The following PLD5 variants were observed in gnomAD, a reference collection of about 807,000 sequenced individuals.
PLD5 encodes the protein inactive phospholipase D5.
A neutral mutation model predicts 61.1 loss-of-function variants in PLD5; 36 were observed. The observed-to-expected ratio is 0.59, with a 90% confidence interval of 0.45 to 0.78. PLD5 has a LOEUF of 0.78. PLD5 is among the 30% of genes least tolerant of loss of function. The pLI is 0.00. For missense variants in PLD5, 515 were observed against 644.4 expected (o/e 0.80, Z 2.17); for synonymous variants, 243 against 242.8 (o/e 1.00, Z -0.01).
intron 2 of PLD5, among the ~76,000 whole-genome samples, chr1:242,292,525 G>A (rs1027569867): frequency 6.6e-6 from 1 of 152,154 alleles, no homozygotes; most frequent in African/African-American, 2.4e-5. Context: ...AGTAAGTCAC[G>A]ATTCCCAATC....
chr1:242,474,079 C>G lies in PLD5; in HGVS notation c.189+50009G>C, dbSNP rs1203925067. Among the ~76,000 whole-genome samples the G allele has an allele frequency of 2.0e-5, 3 of 152,154 alleles. No individual in the cohort carries two copies. The South Asian group carries it at 6.2e-4, about 32-fold the overall frequency. On this transcript the variant is annotated intron_variant, in intron 1 of 9. Coordinates refer to ENST00000536534, the MANE Select transcript of PLD5 (RefSeq NM_001372062.1). ...TTACAAAATTAATTCCAAGGAAACA[C>G]TTTTTCCAGAATTAGCATCTCCAAG...
At chr1:242,325,009 C>G (rs1216823670) in intron 2 of PLD5, among the ~76,000 whole-genome samples, 18 of 152,188 alleles carry the variant, frequency 1.2e-4, no homozygotes, top group Admixed American at 5.2e-4. Context: ...TAGCAAAACT[C>G]TGGTCTCCTG....
chr1:242,173,416 G>C (rs11487697), intron 5 of PLD5, among the ~76,000 whole-genome samples: 13,386 of 152,154 alleles, frequency 0.088, 733 homozygotes, highest in African/African-American at 0.16. Context: ...CAAACAAATG[G>C]AAGAACATTC....
chr1:242,146,828 T>C (rs1664576789), intron 5 of PLD5, among the ~76,000 whole-genome samples: 2 of 152,312 alleles, frequency 1.3e-5, no homozygotes, highest in Middle Eastern at 3.4e-3. Flanking sequence ...GGTTTCATTT[T>C]CTCCATGGGA....
chr1:242,216,113 T>A (rs1670179361), intron 5 of PLD5, among the ~76,000 whole-genome samples: 1 of 152,134 alleles, frequency 6.6e-6, no homozygotes, highest in African/African-American at 2.4e-5. Context: ...ACTCCTTGAT[T>A]GGAAAAGAAT....
intron 1 of PLD5, among the ~76,000 whole-genome samples, chr1:242,522,421 A>G (rs565317725): frequency 5.3e-5 from 8 of 152,212 alleles, no homozygotes; most frequent in Non-Finnish European, 7.3e-5. Flanking sequence ...TGAAAATCTA[A>G]AAGTGAGAAA....
intron 1 of PLD5, among the ~76,000 whole-genome samples, chr1:242,449,946 T>C (rs1197815686): frequency 6.6e-6 from 1 of 152,250 alleles, no homozygotes; most frequent in Non-Finnish European, 1.5e-5. Flanking sequence ...GGCGTAGCGC[T>C]GTCAAATCTG....
At chr1:242,149,531 G>A (rs1191504996) in intron 5 of PLD5, among the ~76,000 whole-genome samples, 1 of 151,346 alleles carries the variant, frequency 6.6e-6, no homozygotes, top group African/African-American at 2.4e-5. Context: ...TATTCTGGAA[G>A]AGTTTGTGGA....
intron 5 of PLD5, among the ~76,000 whole-genome samples, chr1:242,166,063 T>G (rs948661199): frequency 5.9e-5 from 9 of 152,222 alleles, no homozygotes; most frequent in Non-Finnish European, 1.0e-4. Context: ...TGCTTCCTGT[T>G]GTGGTGGTGT....
chr1:242,352,761 G>A (rs1438039634), intron 1 of PLD5, among the ~76,000 whole-genome samples: 1 of 152,122 alleles, frequency 6.6e-6, no homozygotes, highest in East Asian at 1.9e-4. Context: ...GTAATATCTT[G>A]TTGTGGTTTT....
Position 242,524,289 on chromosome 1 carries a change from G to C in PLD5, c.-13C>G, listed in dbSNP as rs1449153430. The C allele has an allele frequency of 2.9e-6, 4 of 1,390,604 alleles. No homozygotes were observed. The highest frequency in any genetic ancestry group is 6.1e-5 in the East Asian group (2 of 32,902). The allele number at this position is 1,390,604 out of a possible 1,614,324, so 86.1% of individuals were successfully genotyped here. On this transcript the variant is annotated 5_prime_UTR_variant, in exon 1 of 10. Coordinates refer to ENST00000536534, the MANE Select transcript of PLD5 (RefSeq NM_001372062.1). The stretch of plus-strand genomic sequence containing the variant: ...GCCGGATCTCCATCCTGACATGACC[G>C]GGCGGCCGCCGGCGAGCAGCGGACT...
chr1:242,305,361 G>C (rs1189472976), intron 2 of PLD5, among the ~76,000 whole-genome samples: 1 of 152,054 alleles, frequency 6.6e-6, no homozygotes, highest in Non-Finnish European at 1.5e-5. Context: ...ACATTCCTTT[G>C]TAGCTAATCT....
chr1:242,430,296 G>A (rs981183999), intron 1 of PLD5, among the ~76,000 whole-genome samples: 3 of 151,784 alleles, frequency 2.0e-5, no homozygotes, highest in Admixed American at 2.0e-4. Flanking sequence ...GTTCCTCAGT[G>A]AGGGCCCACT....
chr1:242,149,152 T>A (rs967081356), intron 5 of PLD5, among the ~76,000 whole-genome samples: 1 of 151,796 alleles, frequency 6.6e-6, no homozygotes, highest in African/African-American at 2.4e-5. Context: ...GCAGACGCTC[T>A]TTATCAGGTC....
At chr1:242,112,283 CTG>C (rs748175841) in intron 7 of PLD5, among the ~76,000 whole-genome samples, 7,949 of 119,440 alleles carry the variant, frequency 0.067, 261 homozygotes, top group East Asian at 0.13. Context: ...AAAGGATGCA[CTG>C]TGTGTGTGTG....
chr1:242,374,946 G>C (rs1309953348), intron 1 of PLD5, among the ~76,000 whole-genome samples: 1 of 152,148 alleles, frequency 6.6e-6, no homozygotes, highest in Non-Finnish European at 1.5e-5. Context: ...TTTCAGCAAA[G>C]CTTCAGGGGT....
upstream of PLD5, among the ~76,000 whole-genome samples, chr1:242,527,567 A>G (rs1669477911): frequency 6.6e-6 from 1 of 152,226 alleles, no homozygotes; most frequent in South Asian, 2.1e-4. Context: ...AAATTTTTAC[A>G]GTTTCATACT....
intron 5 of PLD5, among the ~76,000 whole-genome samples, chr1:242,207,056 A>T (rs1669362688): frequency 6.6e-6 from 1 of 151,944 alleles, no homozygotes; most frequent in Non-Finnish European, 1.5e-5. Flanking sequence ...TGTTTGGGAA[A>T]CTCCACTTCA....
intron 3 of PLD5, among the ~76,000 whole-genome samples, chr1:242,268,782 A>G (rs1276333641): frequency 6.6e-6 from 1 of 152,104 alleles, no homozygotes; most frequent in Non-Finnish European, 1.5e-5. Flanking sequence ...ATTAAACCCT[A>G]CTCTGTGCAG....
Sources: allele counts gnomAD v4.1 joint callset (sites outside exome capture counted in the v4.1 genomes callset), GRCh38; gene constraint gnomAD v4.1.1; transcripts MANE v1.5; gene names NCBI Gene and HGNC (gene_info 2026-07-23, HGNC 2026-07-21).